The following RBM20 variants were observed in gnomAD, a reference collection of about 807,000 sequenced individuals.
RBM20 encodes the protein RNA-binding protein 20.
A neutral mutation model predicts 110.1 loss-of-function variants in RBM20; 51 were observed. The observed-to-expected ratio is 0.46, with a 90% CI of 0.37 to 0.59. RBM20 has a LOEUF of 0.59. Among genes scored for constraint, RBM20 ranks in the 20% least tolerant of loss-of-function variants. The probability of loss-of-function intolerance (pLI) is 0.00; values close to 1 mark genes in which losing one functional copy is unlikely to be tolerated. For synonymous variants in RBM20, 589 were observed against 618.2 expected (o/e 0.95, Z 0.70); for missense variants, 1,512 against 1,574.9 (o/e 0.96, Z 0.68).
At chr10:110,706,639 G>A (rs896595358) in intron 1 of RBM20, among the ~76,000 whole-genome samples, 1 of 152,196 alleles carries the variant, frequency 6.6e-6, no homozygotes, top group African/African-American at 2.4e-5. Flanking sequence ...TGAAAGGGTG[G>A]GAAATTTCAG....
intron 1 of RBM20, among the ~76,000 whole-genome samples, chr10:110,706,917 C>T (rs940590086): frequency 6.6e-6 from 1 of 152,138 alleles, no homozygotes; most frequent in African/African-American, 2.4e-5. Flanking sequence ...TCGGTATTCT[C>T]ATCGTGTATA....
At chr10:110,827,729 A>T (rs1844999780) in intron 12 of RBM20, 2 of 152,198 alleles carry the variant, frequency 1.3e-5, no homozygotes, top group African/African-American at 4.8e-5. Flanking sequence ...GGTACTTAAT[A>T]AGGGTTGTCT....
chr10:110,780,923 T>A lies in RBM20; in HGVS notation c.314T>A (p.Leu105Gln). ...CAGCTCACCCTCCACCGGCTGAAGC[T>A]GGCACAGACAGCTGTCACCAACAAC... ...QAQLTLHRLK[L>Q]AQTAVTNNTA... is the part of the protein sequence containing the mutation. Residue 105 changes from leucine (L) to glutamine (Q), a missense_variant, in exon 2 of 14, where the codon CTG (leucine) becomes CAG (glutamine). Physicochemically the swap from Leu to Gln is moderately radical, Grantham distance 113. Around this residue, in one of 3 missense-constraint regions of RBM20, gnomAD observed 1,149 missense variants for 1,169.4 expected, o/e 0.98. Transcript: ENST00000369519. 6.4e-7 allele frequency: 1 copy of A among 1,551,660 alleles called. No individual in the cohort carries two copies. The highest frequency in any genetic ancestry group is 8.7e-7 in the Non-Finnish European group (1 of 1,146,978).
chr10:110,787,810 G>C (rs1355054531), intron 5 of RBM20, among the ~76,000 whole-genome samples: 1 of 152,120 alleles, frequency 6.6e-6, no homozygotes, highest in African/African-American at 2.4e-5. Context: ...ACAGCTCTCT[G>C]CGAGGAGCTA....
chr10:110,797,810 T>C (rs1185316082), intron 6 of RBM20, among the ~76,000 whole-genome samples, 162 bp downstream of exon 6: 1 of 152,208 alleles, frequency 6.6e-6, no homozygotes, highest in African/African-American at 2.4e-5. Context: ...TGATGTTTTT[T>C]TGTTTCCCCT....
intron 5 of RBM20, among the ~76,000 whole-genome samples, chr10:110,791,773 C>T (rs996105360): frequency 1.3e-5 from 2 of 152,170 alleles, no homozygotes; most frequent in Non-Finnish European, 2.9e-5. Flanking sequence ...TGCAGGCAGG[C>T]TAAAGCCTCC....
At chr10:110,725,562 A>G (rs4918578) in intron 1 of RBM20, among the ~76,000 whole-genome samples, 81,547 of 152,062 alleles carry the variant, frequency 0.54, 22,607 homozygotes, top group East Asian at 0.97. Context: ...ATAAAGCAAA[A>G]GCAAGACAAT....
At chr10:110,674,257 CT>C (rs1418430760) in intron 1 of RBM20, among the ~76,000 whole-genome samples, 1 of 152,154 alleles carries the variant, frequency 6.6e-6, no homozygotes, top group African/African-American at 2.4e-5. Context: ...TTCTTATGTT[CT>C]GTAAAATCCA....
intron 3 of RBM20, among the ~76,000 whole-genome samples, chr10:110,784,113 A>G (rs1044851677): frequency 2.2e-4 from 33 of 152,218 alleles, no homozygotes; most frequent in African/African-American, 4.8e-4. Flanking sequence ...TATTGCATGT[A>G]TATATCACAT....
At chr10:110,799,963 T>C in intron 7 of RBM20, 45 bp downstream of exon 7, 1 of 1,538,832 alleles carries the variant, frequency 6.5e-7, no homozygotes, top group Non-Finnish European at 8.8e-7. Flanking sequence ...AAGCACCAGA[T>C]GAGTTTCTCC....
intron 5 of RBM20, 150 bp downstream of exon 5, chr10:110,785,039 T>G (rs1173002522): frequency 1.6e-6 from 1 of 612,196 alleles, no homozygotes; most frequent in Non-Finnish European, 2.8e-6. Flanking sequence ...CAAGTGATCT[T>G]CCTGCCTCGG....
rs528666791 is a variant in RBM20 at position 110,755,494 on chromosome 10, C to T, written c.192-25307C>T. Among the ~76,000 whole-genome samples, 6 of 152,204 alleles carry T rather than the reference C, an allele frequency of 3.9e-5. No homozygotes were observed. The South Asian group carries it at 6.2e-4, about 16-fold the overall frequency. ...ATAATTCAATCACCTAACCTTCCCT[C>T]GTAGGAAATAGCTATTACATTTCTA... On this transcript the variant is annotated intron_variant, in intron 1 of 13. Transcript: ENST00000369519.
At chr10:110,718,056 A>T (rs1843457924) in intron 1 of RBM20, among the ~76,000 whole-genome samples, 1 of 152,242 alleles carries the variant, frequency 6.6e-6, no homozygotes, top group South Asian at 2.1e-4. Context: ...ACAGACAAGC[A>T]GCCTGAGAGC....
intron 5 of RBM20, among the ~76,000 whole-genome samples, chr10:110,792,351 A>G (rs1230629375): frequency 1.3e-5 from 2 of 152,208 alleles, no homozygotes; most frequent in Admixed American, 1.3e-4. Flanking sequence ...ATGCAGAATC[A>G]TTGTAACACA....
chr10:110,810,338 G>A (rs774026069), intron 7 of RBM20, 45 bp from the exon 8 acceptor site: 2 of 1,442,712 alleles, frequency 1.4e-6, no homozygotes, highest in South Asian at 2.4e-5. Flanking sequence ...TCAGGTGTTT[G>A]CAAGGCCATC....
chr10:110,681,846 TC>T (rs1862426525), intron 1 of RBM20, among the ~76,000 whole-genome samples: 1 of 152,134 alleles, frequency 6.6e-6, no homozygotes, highest in Non-Finnish European at 1.5e-5. Flanking sequence ...AACAGTCTTT[TC>T]ATTAATGTTT....
chr10:110,830,108 C>T (rs1845030632), intron 12 of RBM20, among the ~76,000 whole-genome samples: 1 of 152,246 alleles, frequency 6.6e-6, no homozygotes, highest in African/African-American at 2.4e-5. Context: ...AGCAGTTCGG[C>T]TGACTCTCCC....
At chr10:110,788,151 C>T (rs1194554025) in intron 5 of RBM20, among the ~76,000 whole-genome samples, 1 of 152,162 alleles carries the variant, frequency 6.6e-6, no homozygotes, top group Non-Finnish European at 1.5e-5. Context: ...TGCAGCCTCT[C>T]TGCGAGGATC....
At chr10:110,643,515 A>G (rs1043780858), upstream of RBM20, among the ~76,000 whole-genome samples, 3 of 152,226 alleles carry the variant, frequency 2.0e-5, no homozygotes, top group Non-Finnish European at 4.4e-5. Context: ...CGGTGACCGT[A>G]CGTTGTCGGC....
Sources: allele counts gnomAD v4.1 joint callset (sites outside exome capture counted in the v4.1 genomes callset), GRCh38; gene constraint gnomAD v4.1.1; regional missense constraint gnomAD v4.1.1; transcripts MANE v1.5; gene names NCBI Gene and HGNC (gene_info 2026-07-23, HGNC 2026-07-21).